Variants in WDR27 observed in about 807,000 individuals in gnomAD.
WDR27 encodes the protein WD repeat-containing protein 27.
A neutral mutation model predicts 114.4 loss-of-function variants in WDR27; 100 were observed. The observed-to-expected ratio is 0.87, with a 90% CI of 0.74 to 1.03. The LOEUF (loss-of-function observed/expected upper bound fraction) is 1.03. WDR27 is among the 50% of genes least tolerant of loss of function. The pLI is 0.00. For missense variants in WDR27, 1,129 were observed against 1,092.9 expected (o/e 1.03, Z -0.47); for synonymous variants, 449 against 423.1 (o/e 1.06, Z -0.75).
At chr6:169,546,675 C>T (rs1797494013) in intron 25 of WDR27, among the ~76,000 whole-genome samples, 1 of 152,104 alleles carries the variant, frequency 6.6e-6, no homozygotes, top group Admixed American at 6.5e-5. Context: ...TGGAAGGGTT[C>T]CACAGCTCAA....
At position 169,696,443 on chromosome 6, in the gene WDR27, C is replaced by G. The variant is rs527671006; in HGVS notation, c.-8+5108G>C. ...ACACACATGCACACAAAGAATCCCA[C>G]ACATGCACCCAAACGTGCACACACA... On this transcript the variant is annotated intron_variant, in intron 1 of 25. Coordinates refer to ENST00000448612, the MANE Select transcript of WDR27 (RefSeq NM_182552.5). Among the ~76,000 whole-genome samples the G allele has an allele frequency of 4.6e-5, 7 of 152,326 alleles. No homozygotes were observed. In the South Asian group the frequency reaches 8.3e-4, roughly 18 times the overall value.
At chr6:169,665,649 A>G in intron 6 of WDR27, 93 bp from the exon 7 acceptor site, 1 of 1,144,334 alleles carries the variant, frequency 8.7e-7, no homozygotes, top group Non-Finnish European at 1.2e-6. Flanking sequence ...TTTACACGTA[A>G]TATTTACTTA....
At chr6:169,566,339 G>A (rs1305368639) in intron 25 of WDR27, among the ~76,000 whole-genome samples, 1 of 152,206 alleles carries the variant, frequency 6.6e-6, no homozygotes, top group African/African-American at 2.4e-5. Flanking sequence ...GTGAGGGCAA[G>A]GTGGTCTGAC....
intron 25 of WDR27, among the ~76,000 whole-genome samples, chr6:169,514,503 G>A (rs1361193500): frequency 7.1e-6 from 1 of 141,580 alleles, no homozygotes; most frequent in African/African-American, 2.6e-5. Context: ...TATATAATAT[G>A]TATTTTTTCC....
rs998068493 is a variant in WDR27, at chr6:169,541,770, A to G, written c.2645+30649T>C. On this transcript the variant is annotated intron_variant, in intron 25 of 25. Transcript: ENST00000448612. ...AATGAATTTTATACTCTATCCAAGA[A>G]GTAGGCATAAGTTAAGCAAAATATC... 2.6e-5 allele frequency among the ~76,000 whole-genome samples: 4 copies of G among 152,234 alleles called. No individual in the cohort carries two copies. The South Asian group carries it at 8.3e-4, about 32-fold the overall frequency.
intron 23 of WDR27, among the ~76,000 whole-genome samples, chr6:169,601,762 C>A (rs1808028002): frequency 6.6e-6 from 1 of 152,200 alleles, no homozygotes; most frequent in South Asian, 2.1e-4. Context: ...TTAGTACCTG[C>A]CCCAAATCCA....
At chr6:169,655,427 C>T (rs776829468) in intron 13 of WDR27, among the ~76,000 whole-genome samples, 12 of 152,344 alleles carry the variant, frequency 7.9e-5, no homozygotes, top group South Asian at 4.1e-4. Flanking sequence ...ACAAGCCAAA[C>T]GTCTGTTAAT....
At chr6:169,536,736 C>A (rs140479099) in intron 25 of WDR27, among the ~76,000 whole-genome samples, 80 of 152,068 alleles carry the variant, frequency 5.3e-4, no homozygotes, top group African/African-American at 1.8e-3. Flanking sequence ...CACCTAGGAC[C>A]CAGCTTTTCC....
rs1234901588 is a variant in WDR27 at position 169,576,671 on chromosome 6, G to A, written c.2524-4131C>T. On this transcript the variant is annotated intron_variant, in intron 24 of 25. Coordinates refer to ENST00000448612, the MANE Select transcript of WDR27 (RefSeq NM_182552.5). ...AGTATCAGCTACTTAGGAGGTTGAG[G>A]CAGGAGGATTGCTTGAACCCAGGAG... Among the ~76,000 whole-genome samples, 7 of 151,798 alleles carry A rather than the reference G, an allele frequency of 4.6e-5. No individual in the cohort carries two copies. The East Asian group carries it at 7.7e-4, about 17-fold the overall frequency.
chr6:169,630,024 G>C (rs1038248880), intron 21 of WDR27, among the ~76,000 whole-genome samples: 5 of 146,724 alleles, frequency 3.4e-5, no homozygotes, highest in African/African-American at 1.3e-4. Flanking sequence ...TTAAACTCAA[G>C]AATGACAATG....
At chr6:169,690,085 C>T (rs1260843733) in intron 1 of WDR27, among the ~76,000 whole-genome samples, 1 of 151,502 alleles carries the variant, frequency 6.6e-6, no homozygotes, top group African/African-American at 2.4e-5. Flanking sequence ...CCATTAGGCC[C>T]TCATGCTGGT....
rs531216417 is a variant in WDR27 at position 169,643,683 on chromosome 6, A to T, written c.1747+14T>A. The T allele has an allele frequency of 2.5e-6, 4 of 1,610,552 alleles. No homozygotes were observed. The East Asian group carries it at 8.9e-5, about 36-fold the overall frequency. On this transcript the variant is annotated intron_variant, in intron 17 of 25. Transcript: ENST00000448612. The stretch of plus-strand genomic sequence containing the variant: ...CCTTAAGTTCATACTGACTGAAATT[A>T]AGACATGTTTTACCTGAAAACACAG...
chr6:169,579,247 G>A (rs1179990448), intron 24 of WDR27, among the ~76,000 whole-genome samples: 1 of 152,194 alleles, frequency 6.6e-6, no homozygotes, highest in Non-Finnish European at 1.5e-5. Context: ...CATTTGATGA[G>A]GCTGTAATGT....
intron 25 of WDR27, among the ~76,000 whole-genome samples, chr6:169,532,468 A>AT (rs548405866): frequency 5.5e-4 from 84 of 151,910 alleles, no homozygotes; most frequent in African/African-American, 1.8e-3. Context: ...TGAGTAGAAA[A>AT]TTTTTTTTTA....
At chr6:169,609,609 C>T (rs1810054631) in intron 22 of WDR27, among the ~76,000 whole-genome samples, 2 of 152,184 alleles carry the variant, frequency 1.3e-5, no homozygotes, top group Non-Finnish European at 1.5e-5. Flanking sequence ...GGACCCTGGG[C>T]CAACCCATGA....
At chr6:169,516,267 A>G (rs1191492314) in intron 25 of WDR27, among the ~76,000 whole-genome samples, 1 of 152,204 alleles carries the variant, frequency 6.6e-6, no homozygotes, top group East Asian at 1.9e-4. Context: ...GACTTTCTCC[A>G]GCTCCATTTT....
In WDR27 at chr6:169,479,067, A is replaced by G. The variant is rs368476722; in HGVS notation, c.2646-21433T>C. Among the ~76,000 whole-genome samples, 20 of 152,344 alleles carry G rather than the reference A, an allele frequency of 1.3e-4. No individual in the cohort carries two copies. In the South Asian group the frequency reaches 2.5e-3, roughly 19 times the overall value. ...AAGCAAAAATTGACAAATGGGACCT[A>G]ATGAAATGAAATAGCTTCTGTACAG... On this transcript the variant is annotated intron_variant, in intron 25 of 25. Transcript: ENST00000448612.
intron 1 of WDR27, among the ~76,000 whole-genome samples, chr6:169,693,189 ACCCTCCTT>A (rs1469269766): frequency 2.0e-5 from 3 of 152,158 alleles, no homozygotes; most frequent in Non-Finnish European, 4.4e-5. Flanking sequence ...TCATATCTTT[ACCCTCCTT>A]AAACAAAATG....
the WDR27 span, among the ~76,000 whole-genome samples, chr6:169,447,917 A>G: frequency 6.6e-6 from 1 of 152,196 alleles, no homozygotes; most frequent in African/African-American, 2.4e-5. Flanking sequence ...TGGATTTTAT[A>G]CTTACTTCCC....
Sources: gnomAD v4.1 joint callset for allele counts (sites outside exome capture counted in the v4.1 genomes callset) on GRCh38, gnomAD v4.1.1 for gene constraint, MANE v1.5 for transcripts, NCBI Gene and HGNC (gene_info 2026-07-23, HGNC 2026-07-21) for gene names.